The following RIPOR3 variants were observed in gnomAD, a reference collection of about 807,000 sequenced individuals.
The protein encoded by RIPOR3 is family with sequence similarity 65 member C.
Under a neutral mutation model 114.3 loss-of-function variants are expected in RIPOR3, and 95 were observed. The observed-to-expected ratio is 0.83, with a 90% CI of 0.70 to 0.99. The LOEUF is 0.99. Ranked by LOEUF, RIPOR3 falls within the 50% of genes least tolerant of loss-of-function variation. RIPOR3 has a pLI of 0.00. For missense variants in RIPOR3, 1,252 were observed against 1,266.9 expected (o/e 0.99, Z 0.18); for synonymous variants, 575 against 543.8 (o/e 1.06, Z -0.80).
chr20:50,608,007 GCC>G (rs1256803907), intron 11 of RIPOR3, among the ~76,000 whole-genome samples: 3 of 152,172 alleles, frequency 2.0e-5, no homozygotes, highest in Admixed American at 6.5e-5. Context: ...TGACCGCTCA[GCC>G]CCAGGCCAAG....
chr20:50,678,294 TGGG>T (rs2086741171), intron 1 of RIPOR3, among the ~76,000 whole-genome samples: 2 of 152,192 alleles, frequency 1.3e-5, no homozygotes, highest in Non-Finnish European at 2.9e-5. Flanking sequence ...ACCTGGGGGC[TGGG>T]TGGCCTTGGC....
In RIPOR3 at chr20:50,604,738, GC is replaced by G. The variant is rs754961020; in HGVS notation, c.992del (p.Ser331ThrfsTer67). ...TGCCCATAGAAAACTTGCCCGTGGGGCTGGGTGACACCAGGAAGCTCTCAGT... is the reference window on the plus strand; with the variant it reads ...TGCCCATAGAAAACTTGCCCGTGGGGTGGGTGACACCAGGAAGCTCTCAGT... The part of the protein sequence containing the change: ...FDTESFLVSP[S>X]PTGKFSMGSR... On this transcript the variant is annotated frameshift_variant, in exon 12 of 22. Coordinates refer to ENST00000327979, the MANE Select transcript of RIPOR3 (RefSeq NM_001290268.2). LOFTEE classifies it high-confidence loss of function. 467 of 1,609,186 alleles carry G rather than the reference GC, an allele frequency of 2.9e-4. No individual in the cohort carries two copies. Among genetic ancestry groups the G allele is most frequent in the Non-Finnish European group, 3.9e-4 (456 of 1,178,176 alleles).
At chr20:50,640,779 A>G (rs1339815241) in intron 1 of RIPOR3, among the ~76,000 whole-genome samples, 2 of 152,142 alleles carry the variant, frequency 1.3e-5, no homozygotes, top group Non-Finnish European at 1.5e-5. Context: ...AGGCCCACGC[A>G]TGCGCCCACG....
chr20:50,630,652 A>G, intron 2 of RIPOR3, 86 bp downstream of exon 2: 1 of 1,174,722 alleles, frequency 8.5e-7, no homozygotes, highest in East Asian at 2.6e-5. Context: ...GGTCTCTGGC[A>G]GCAGGAGGAG....
chr20:50,598,577 T>C (rs762577307), intron 13 of RIPOR3, among the ~76,000 whole-genome samples: 24 of 152,206 alleles, frequency 1.6e-4, no homozygotes, highest in South Asian at 1.0e-3. Flanking sequence ...AATACAAAAA[T>C]ATAGGCATAC....
chr20:50,666,538 CTTTG>C (rs1034446071), intron 1 of RIPOR3, among the ~76,000 whole-genome samples: 2 of 150,336 alleles, frequency 1.3e-5, no homozygotes, highest in Non-Finnish European at 3.0e-5. Flanking sequence ...ACACCCATTT[CTTTG>C]TTTGTTTTGT....
In RIPOR3 at chr20:50,596,651, G is replaced by T. The variant is rs112469279; in HGVS notation, c.1791-388C>A. 4.1e-3 allele frequency among the ~76,000 whole-genome samples: 619 copies of T among 152,274 alleles called. 2 individuals carry two copies. The highest frequency in any genetic ancestry group is 0.014 in the African/African-American group (600 of 41,550). On this transcript the variant is annotated intron_variant, in intron 14 of 21. Coordinates refer to ENST00000327979, the MANE Select transcript of RIPOR3 (RefSeq NM_001290268.2). ...TGCATGAAATACGGTGGGCAAGAGC[G>T]CCTCACACCAAGTCCACTCTGTGGT...
intron 2 of RIPOR3, among the ~76,000 whole-genome samples, chr20:50,626,531 C>T (rs970176444): frequency 2.6e-5 from 4 of 152,202 alleles, no homozygotes; most frequent in Admixed American, 1.3e-4. Context: ...AAGGGGCCAA[C>T]GAGAGGCAGA....
At chr20:50,661,345 G>A (rs911994474) in intron 1 of RIPOR3, among the ~76,000 whole-genome samples, 2 of 150,916 alleles carry the variant, frequency 1.3e-5, no homozygotes, top group African/African-American at 4.9e-5. Flanking sequence ...AAAGTGCTGG[G>A]ATTACAGGCA....
At chr20:50,613,928 C>T (rs546019010) in intron 4 of RIPOR3, among the ~76,000 whole-genome samples, 1 of 152,320 alleles carries the variant, frequency 6.6e-6, no homozygotes, top group Non-Finnish European at 1.5e-5. Context: ...CTGGCACACA[C>T]ATGAGGCTGG....
chr20:50,649,703 G>C (rs1454016133), intron 1 of RIPOR3, among the ~76,000 whole-genome samples: 1 of 152,162 alleles, frequency 6.6e-6, no homozygotes, highest in Non-Finnish European at 1.5e-5. Context: ...CAGCCCAGTG[G>C]CAATTCCTGT....
intron 1 of RIPOR3, among the ~76,000 whole-genome samples, chr20:50,650,529 C>T (rs1313520590): frequency 6.6e-6 from 1 of 152,102 alleles, no homozygotes; most frequent in Non-Finnish European, 1.5e-5. Flanking sequence ...GTCTCAAACT[C>T]CTGAGCTTAA....
intron 7 of RIPOR3, 81 bp downstream of exon 7, chr20:50,609,492 A>G (rs1236079815): frequency 2.6e-5 from 37 of 1,445,218 alleles, no homozygotes; most frequent in Non-Finnish European, 3.3e-5. Flanking sequence ...TCCAGCCCCC[A>G]CTGGCCCAGC....
chr20:50,609,090 C>T, intron 8 of RIPOR3, 135 bp from the exon 9 acceptor site: 1 of 1,358,286 alleles, frequency 7.4e-7, no homozygotes, highest in Non-Finnish European at 1.0e-6. Context: ...GGTACACCAT[C>T]ATGATGGAAA....
At chr20:50,625,900 C>T (rs1039233325) in intron 2 of RIPOR3, among the ~76,000 whole-genome samples, 1 of 152,202 alleles carries the variant, frequency 6.6e-6, no homozygotes, top group African/African-American at 2.4e-5. Context: ...AATTTCCCCA[C>T]CAGGTTACTT....
At chr20:50,670,217 A>C (rs2123520487) in intron 1 of RIPOR3, among the ~76,000 whole-genome samples, 1 of 152,082 alleles carries the variant, frequency 6.6e-6, no homozygotes, top group Non-Finnish European at 1.5e-5. Flanking sequence ...AGCCAAGTCA[A>C]CCAGGCAGGC....
chr20:50,628,008 C>A (rs1036777452), intron 2 of RIPOR3, among the ~76,000 whole-genome samples: 1 of 152,236 alleles, frequency 6.6e-6, no homozygotes, highest in East Asian at 1.9e-4. Context: ...GCCCCCTGGC[C>A]AGGTAACCCG....
Position 50,602,704 on chromosome 20 carries a change from C to T in RIPOR3, c.1087-60G>A. The T allele has an allele frequency of 7.6e-7, 1 of 1,311,658 alleles. No homozygotes were observed. The highest frequency in any genetic ancestry group is 1.0e-6 in the Non-Finnish European group (1 of 1,000,094). 81.3% of individuals were successfully genotyped at this position (1,311,658 alleles called of 1,614,324 possible). A position where few individuals can be genotyped will look rare whatever the true frequency, so the allele number is the denominator to read the frequency against. On this transcript the variant is annotated intron_variant, in intron 12 of 21. Coordinates refer to ENST00000327979, the MANE Select transcript of RIPOR3 (RefSeq NM_001290268.2). The surrounding 1 kb of genome is among the most constrained non-coding windows in gnomAD (Gnocchi z 4.3). ...ACCCCAGGGACCACAGCAAGTCCCC[C>T]AGAGGGGCTTCCCCTGACAGACACC...
intron 13 of RIPOR3, among the ~76,000 whole-genome samples, chr20:50,598,075 G>A (rs112336537): frequency 2.3e-4 from 35 of 152,332 alleles, no homozygotes; most frequent in African/African-American, 7.5e-4. Context: ...AGGGGGCCAC[G>A]CTCATAGATC....
Sources: gnomAD v4.1 joint callset for allele counts (sites outside exome capture counted in the v4.1 genomes callset) on GRCh38, gnomAD v4.1.1 for gene constraint, Gnocchi (gnomAD v3.1) non-coding constraint, MANE v1.5 for transcripts, NCBI Gene and HGNC (gene_info 2026-07-23, HGNC 2026-07-21) for gene names.